The following PTPRT variants were observed in gnomAD, a reference collection of about 807,000 sequenced individuals.
The protein encoded by PTPRT is receptor-type tyrosine-protein phosphatase T.
PTPRT carries 56 observed loss-of-function variants against 176.8 expected under a neutral mutation model. The observed-to-expected ratio is 0.32, with a 90% CI of 0.26 to 0.40. The LOEUF is 0.40. Among genes scored for constraint, PTPRT ranks in the 10% least tolerant of loss-of-function variants. The pLI is 1.00. For synonymous variants in PTPRT, 783 were observed against 739.0 expected (o/e 1.06, Z -0.96); for missense variants, 1,540 against 1,908.2 (o/e 0.81, Z 3.60).
At chr20:42,727,307 AG>A (rs1226235225) in intron 6 of PTPRT, among the ~76,000 whole-genome samples, 1 of 152,200 alleles carries the variant, frequency 6.6e-6, no homozygotes, top group Non-Finnish European at 1.5e-5. Flanking sequence ...CTTTCGGTGA[AG>A]CTTCTTCAGT....
At chr20:42,122,679 C>A (rs1012013661) in intron 19 of PTPRT, among the ~76,000 whole-genome samples, 5 of 152,226 alleles carry the variant, frequency 3.3e-5, no homozygotes, top group Admixed American at 1.3e-4. Flanking sequence ...GGCTTCCCTG[C>A]CTGCAGTTTC....
intron 7 of PTPRT, among the ~76,000 whole-genome samples, chr20:42,509,531 T>C (rs1305832357): frequency 6.8e-6 from 1 of 146,688 alleles, no homozygotes; most frequent in African/African-American, 2.5e-5. Context: ...TATAGATATA[T>C]AAATTAATAT....
intron 7 of PTPRT, among the ~76,000 whole-genome samples, chr20:42,662,260 G>A (rs184309532): frequency 6.6e-6 from 1 of 152,234 alleles, no homozygotes; most frequent in East Asian, 1.9e-4. Flanking sequence ...TTGATAATGA[G>A]AGAGAAAGTG....
At chr20:42,805,660 G>A (rs753668646) in intron 2 of PTPRT, among the ~76,000 whole-genome samples, 6 of 152,134 alleles carry the variant, frequency 3.9e-5, no homozygotes, top group Non-Finnish European at 8.8e-5. Context: ...TTCATGCCAT[G>A]ATTACCCCTT....
chr20:43,071,394 C>T (rs895643995), intron 1 of PTPRT, among the ~76,000 whole-genome samples: 5 of 152,180 alleles, frequency 3.3e-5, no homozygotes, highest in Non-Finnish European at 7.3e-5. Flanking sequence ...CATGGATGCT[C>T]GAGTTTGAGA....
At chr20:42,287,974 C>T (rs2057258965) in intron 12 of PTPRT, among the ~76,000 whole-genome samples, 1 of 151,856 alleles carries the variant, frequency 6.6e-6, no homozygotes, top group Non-Finnish European at 1.5e-5. Context: ...GGATGATACA[C>T]ATAAGAGAAT....
chr20:43,070,915 T>C (rs1158715901), intron 1 of PTPRT, among the ~76,000 whole-genome samples: 1 of 146,506 alleles, frequency 6.8e-6, no homozygotes, highest in Non-Finnish European at 1.5e-5. Flanking sequence ...CATGTATACA[T>C]ATGTAACAAA....
chr20:42,876,202 G>C (rs774592272), intron 2 of PTPRT, among the ~76,000 whole-genome samples: 17 of 152,044 alleles, frequency 1.1e-4, no homozygotes, highest in Non-Finnish European at 2.4e-4. Context: ...TGTCATTAAA[G>C]AGGAAAGAAA....
intron 1 of PTPRT, among the ~76,000 whole-genome samples, chr20:43,108,933 A>T (rs965005412): frequency 1.3e-5 from 2 of 152,136 alleles, no homozygotes; most frequent in African/African-American, 4.8e-5. Flanking sequence ...AAATGCATTC[A>T]CCCAATGCAT....
At chr20:42,299,540 G>A (rs1314507952) in intron 12 of PTPRT, among the ~76,000 whole-genome samples, 1 of 151,154 alleles carries the variant, frequency 6.6e-6, no homozygotes, top group Non-Finnish European at 1.5e-5. Context: ...ATGAAGTTAA[G>A]CTTCTCACTG....
At chr20:42,252,766 A>G (rs1230708961) in intron 13 of PTPRT, among the ~76,000 whole-genome samples, 1 of 152,214 alleles carries the variant, frequency 6.6e-6, no homozygotes, top group Non-Finnish European at 1.5e-5. Context: ...GCCACAGAAG[A>G]ACATTCAGGG....
intron 7 of PTPRT, among the ~76,000 whole-genome samples, chr20:42,499,969 G>A (rs2071723973): frequency 6.6e-6 from 1 of 151,986 alleles, no homozygotes. Context: ...CTATATCACA[G>A]TTCATTCATT....
chr20:42,881,575 G>A (rs142596434), intron 2 of PTPRT, among the ~76,000 whole-genome samples: 9,050 of 151,866 alleles, frequency 0.06, 730 homozygotes, highest in African/African-American at 0.18. Context: ...AAATACAAAA[G>A]TTAGCCAGGC....
intron 1 of PTPRT, among the ~76,000 whole-genome samples, chr20:42,901,890 A>C (rs1379734797): frequency 6.6e-6 from 1 of 152,244 alleles, no homozygotes; most frequent in African/African-American, 2.4e-5. Context: ...TTATTGAAAC[A>C]CAGCCATGTT....
At position 42,613,078 on chromosome 20, in the gene PTPRT, C is replaced by A. The variant is rs571789028; in HGVS notation, c.1153+64788G>T. On this transcript the variant is annotated intron_variant, in intron 7 of 30. Transcript: ENST00000373187. ...TATTTTCATGTATTTTCCACATTTT[C>A]TTCCATGAAGCAAAAACTTTTTTTG... Among the ~76,000 whole-genome samples the A allele has an allele frequency of 1.6e-4, 24 of 152,296 alleles. No homozygotes were observed. The South Asian group carries it at 4.8e-3, about 30-fold the overall frequency.
chr20:42,166,594 G>C (rs1037389435), intron 16 of PTPRT, among the ~76,000 whole-genome samples: 1 of 152,076 alleles, frequency 6.6e-6, no homozygotes, highest in South Asian at 2.1e-4. Context: ...TTTTGTTTTA[G>C]TGCTCACTAA....
intron 15 of PTPRT, among the ~76,000 whole-genome samples, chr20:42,235,285 G>A (rs1439683221): frequency 1.3e-5 from 2 of 151,282 alleles, no homozygotes; most frequent in Admixed American, 1.3e-4. Context: ...ATTTTGAGAT[G>A]GAGTTTTGCT....
At chr20:42,879,754 T>C (rs1568655379) in intron 2 of PTPRT, among the ~76,000 whole-genome samples, 3 of 144,280 alleles carry the variant, frequency 2.1e-5, no homozygotes, top group African/African-American at 8.3e-5. Flanking sequence ...TGTGTGTGTG[T>C]GTGCGCGTGT....
rs571121002 is a variant in PTPRT at position 42,141,336 on chromosome 20, G to A, written c.2770+579C>T. ...GCTGGGCATACCCCAAGCCCCAGGT[G>A]TATGCCAGAGTTACTGGCTTCTTCT... On this transcript the variant is annotated intron_variant, in intron 18 of 30. Coordinates refer to ENST00000373187, the MANE Select transcript of PTPRT (RefSeq NM_007050.6). 1.1e-4 allele frequency among the ~76,000 whole-genome samples: 17 copies of A among 152,354 alleles called. No individual in the cohort carries two copies. In the South Asian group the frequency reaches 2.7e-3, roughly 24 times the overall value.
Sources: gnomAD v4.1 joint callset for allele counts (sites outside exome capture counted in the v4.1 genomes callset) on GRCh38, gnomAD v4.1.1 for gene constraint, MANE v1.5 for transcripts, NCBI Gene and HGNC (gene_info 2026-07-23, HGNC 2026-07-21) for gene names.